The following SPATA1 variants were observed in gnomAD, a reference collection of about 807,000 sequenced individuals.
SPATA1 encodes spermatogenesis-associated protein 1.
In SPATA1, 57 loss-of-function variants were observed where a neutral mutation model predicts 59.6. The ratio of observed to expected loss-of-function variants is 0.96; its 90% CI spans 0.77 to 1.19. SPATA1 has a LOEUF of 1.19. SPATA1 is among the 50% of genes most tolerant of loss of function. The pLI, the probability that SPATA1 is intolerant of heterozygous loss-of-function variation, is 0.00. For missense variants in SPATA1, 448 were observed against 480.7 expected, an observed-to-expected ratio of 0.93 and a Z score of 0.64; for synonymous variants, 147 against 163.9, an observed-to-expected ratio of 0.90 and a Z score of 0.79.
In SPATA1 at chr1:84,534,079, T is replaced by A. The variant is rs533893054; in HGVS notation, c.717+313T>A. ...GCTAATTTGTAATTTAATATACTAA[T>A]ACCTGTACTTGATTAACTTGTCTCT... On this transcript the variant is annotated intron_variant, in intron 8 of 12. Transcript: ENST00000490879. Among the ~76,000 whole-genome samples the A allele has an allele frequency of 3.3e-5, 5 of 152,208 alleles. No individual in the cohort carries two copies. In the South Asian group the frequency reaches 1.0e-3, roughly 32 times the overall value.
At chr1:84,561,391 T>G (rs1684591512) in intron 4 of SPATA1, among the ~76,000 whole-genome samples, 1 of 152,238 alleles carries the variant, frequency 6.6e-6, no homozygotes, top group Non-Finnish European at 1.5e-5. Flanking sequence ...GATGAGGAGC[T>G]ACTTCTTATG....
At chr1:84,557,927 C>G (rs1684496036), downstream of SPATA1, among the ~76,000 whole-genome samples, 1 of 151,476 alleles carries the variant, frequency 6.6e-6, no homozygotes, top group African/African-American at 2.4e-5. Context: ...AAATGGCCTT[C>G]AATGCGCACC....
chr1:84,544,249 T>C (rs776236388), exon 9 of SPATA1: 25 of 1,599,550 alleles, frequency 1.6e-5, no homozygotes, highest in Non-Finnish European at 1.9e-5. Flanking sequence ...CTTCACTTCC[T>C]TGTCAACCTG....
At chr1:84,565,940 C>T (rs761830536) in exon 5 of SPATA1, 1 of 1,601,496 alleles carries the variant, frequency 6.2e-7, no homozygotes, top group Admixed American at 1.7e-5. Context: ...AAGTCACAAG[C>T]ATCTGCGATT....
chr1:84,560,141 A>T (rs953495978), intron 4 of SPATA1, among the ~76,000 whole-genome samples: 4 of 151,778 alleles, frequency 2.6e-5, no homozygotes, highest in African/African-American at 9.7e-5. Flanking sequence ...AAGGAAAGAA[A>T]GAAAGAAAGA....
intron 8 of SPATA1, among the ~76,000 whole-genome samples, chr1:84,534,199 A>G (rs570465124): frequency 7.9e-5 from 12 of 152,190 alleles, no homozygotes; most frequent in African/African-American, 2.4e-4. Flanking sequence ...ATGTTACCCA[A>G]TTTGAATTGC....
rs144853429 is a variant in SPATA1, at chr1:84,536,536, C to T, written c.717+2770C>T. On this transcript the variant is annotated intron_variant, in intron 8 of 12. Coordinates refer to ENST00000490879, the Ensembl canonical transcript of SPATA1. ...TCCGCTCACTGCAAGCTCCGCCCCCCGGGTGCATGCCATTCTCCTGCCTCA... is the reference window on the plus strand; with the variant it reads ...TCCGCTCACTGCAAGCTCCGCCCCCTGGGTGCATGCCATTCTCCTGCCTCA... 8.8e-3 allele frequency among the ~76,000 whole-genome samples: 1,338 copies of T among 152,324 alleles called. 57 individuals carry two copies. In the East Asian group the frequency reaches 0.13, roughly 15 times the overall value.
intron 2 of SPATA1, among the ~76,000 whole-genome samples, chr1:84,516,644 T>C (rs925580552): frequency 1.3e-5 from 2 of 152,186 alleles, no homozygotes; most frequent in Admixed American, 6.5e-5. Context: ...AATTGTATGA[T>C]TGAGGTTGGT....
downstream of SPATA1, among the ~76,000 whole-genome samples, chr1:84,555,394 T>C (rs1283844709): frequency 2.0e-5 from 3 of 152,254 alleles, no homozygotes; most frequent in African/African-American, 7.2e-5. Flanking sequence ...CATGGTTCTA[T>C]ATTTGATACA....
rs1248070205 is a variant in SPATA1 at position 84,565,749 on chromosome 1, C to CAT, written n.443-108_443-107dup. 15 of 669,662 alleles carry CAT rather than the reference C, an allele frequency of 2.2e-5. No individual in the cohort carries two copies. In the African/African-American group the frequency reaches 2.9e-4, roughly 13 times the overall value. The allele number at this position is 669,662 out of a possible 1,614,324, so 41.5% of individuals were successfully genotyped here. A position where few individuals can be genotyped will look rare whatever the true frequency, so the allele number is the denominator to read the frequency against. On this transcript the variant is annotated intron_variant and non_coding_transcript_variant, in intron 4 of 4. Transcript: ENST00000460286. Reference sequence around the variant, plus strand: ...AAGCCTTACAATTGAAAAACGTATACATATAACTTAGAAATACTAAAAACA... The same window carrying CAT: ...AAGCCTTACAATTGAAAAACGTATACATATATAACTTAGAAATACTAAAAACA...
chr1:84,563,294 C>A (rs1684628602), intron 4 of SPATA1: 5 of 1,584,286 alleles, frequency 3.2e-6, no homozygotes, highest in Non-Finnish European at 4.3e-6. Context: ...ATCTTTATCC[C>A]ATAGGTTTCC....
intron 8 of SPATA1, among the ~76,000 whole-genome samples, chr1:84,539,165 T>C (rs1050558255): frequency 2.6e-5 from 4 of 152,196 alleles, no homozygotes; most frequent in African/African-American, 7.2e-5. Flanking sequence ...ATTGGAATGC[T>C]GAATGGAGTC....
At chr1:84,518,983 T>A (rs1488092672) in intron 2 of SPATA1, among the ~76,000 whole-genome samples, 1 of 152,096 alleles carries the variant, frequency 6.6e-6, no homozygotes, top group Non-Finnish European at 1.5e-5. Flanking sequence ...AAAATTGTAC[T>A]TCTTAGAAGT....
At chr1:84,521,472 G>C (rs1380532784) in intron 3 of SPATA1, among the ~76,000 whole-genome samples, 1 of 151,950 alleles carries the variant, frequency 6.6e-6, no homozygotes, top group Non-Finnish European at 1.5e-5. Context: ...CCTACCTCAG[G>C]ACCCTTGTAC....
chr1:84,528,191 G>A (rs1683311174), intron 6 of SPATA1, among the ~76,000 whole-genome samples: 1 of 152,136 alleles, frequency 6.6e-6, no homozygotes, highest in Admixed American at 6.5e-5. Flanking sequence ...TTTGATATTT[G>A]TGGTAATTGT....
At chr1:84,510,279 C>G (rs932885496) in intron 1 of SPATA1, among the ~76,000 whole-genome samples, 2 of 152,018 alleles carry the variant, frequency 1.3e-5, no homozygotes, top group Non-Finnish European at 2.9e-5. Flanking sequence ...GGATTTATAA[C>G]CAGAATATAT....
chr1:84,527,742 C>G (rs1283211446), intron 6 of SPATA1: 1 of 149,434 alleles, frequency 6.7e-6, no homozygotes, highest in Admixed American at 6.7e-5. Context: ...ATTTTTTTTT[C>G]TTTTTGAGAT....
chr1:84,541,040 G>A (rs906925213), intron 8 of SPATA1, among the ~76,000 whole-genome samples: 5 of 152,146 alleles, frequency 3.3e-5, no homozygotes, highest in African/African-American at 1.2e-4. Flanking sequence ...TGTAAACGTT[G>A]CACTACTGAT....
intron 10 of SPATA1, among the ~76,000 whole-genome samples, chr1:84,547,705 A>C (rs1684135664): frequency 6.6e-6 from 1 of 152,160 alleles, no homozygotes; most frequent in South Asian, 2.1e-4. Context: ...TGTGGCATTA[A>C]GGGCCTGAAA....
Sources: allele counts gnomAD v4.1 joint callset (sites outside exome capture counted in the v4.1 genomes callset), GRCh38; gene constraint gnomAD v4.1.1; transcripts MANE v1.5; gene names NCBI Gene and HGNC (gene_info 2026-07-23, HGNC 2026-07-21).